HEG1: variants seen among roughly 807,000 people sequenced by gnomAD.
HEG1 encodes the protein heart development protein with EGF like domains 1, also known as protein HEG homolog 1.
HEG1 carries 56 observed loss-of-function variants against 125.6 expected under a neutral mutation model. The observed-to-expected ratio is 0.45, with a 90% CI of 0.36 to 0.56. The LOEUF (loss-of-function observed/expected upper bound fraction) is 0.56, where lower values mean the gene tolerates loss of function less well. Ranked by LOEUF, HEG1 falls within the 20% of genes least tolerant of loss-of-function variation. The probability of loss-of-function intolerance (pLI) is 0.00; values close to 1 mark genes in which losing one functional copy is unlikely to be tolerated. For synonymous variants in HEG1, 644 were observed against 668.5 expected (o/e 0.96, Z 0.57); for missense variants, 1,523 against 1,670.0 (o/e 0.91, Z 1.53).
Position 125,027,248 on chromosome 3 carries a change from G to A in HEG1, c.870C>T (p.Phe290=), listed in dbSNP as rs1364571484. Residue 290 remains phenylalanine, a synonymous_variant, in exon 3 of 17, where the codon TTC becomes TTT. Coordinates refer to ENST00000311127, the MANE Select transcript of HEG1 (RefSeq NM_020733.2). ...GAGGAGAGGAAGCTGCTGTCCTGTAGAAATGCAGCCAGGAGAGATCTGGTC... is the reference window on the plus strand; with the variant it reads ...GAGGAGAGGAAGCTGCTGTCCTGTAAAAATGCAGCCAGGAGAGATCTGGTC... ...SSGPDLSWLH[F]YRTAASSPLL... is the part of the protein sequence containing the mutation. 2.5e-6 allele frequency: 4 copies of A among 1,612,352 alleles called. No homozygotes were observed. In the South Asian group the frequency reaches 4.4e-5, roughly 18 times the overall value.
intron 1 of HEG1, among the ~76,000 whole-genome samples, chr3:125,035,386 A>G (rs150422949): frequency 9.1e-4 from 139 of 152,354 alleles, no homozygotes; most frequent in Non-Finnish European, 1.5e-4. Flanking sequence ...CAAAAACCAC[A>G]GACTAAGAGT....
intron 5 of HEG1, chr3:125,014,926 C>T (rs990790099): frequency 9.3e-6 from 12 of 1,289,516 alleles, no homozygotes; most frequent in African/African-American, 1.5e-5. Context: ...GTGTGGGTGC[C>T]GAGAGAGGGC....
chr3:125,048,613 G>A (rs547578498), intron 1 of HEG1, among the ~76,000 whole-genome samples: 2 of 152,248 alleles, frequency 1.3e-5, no homozygotes, highest in South Asian at 2.1e-4. Flanking sequence ...GAGGTGGCCA[G>A]TCAGATCCTG....
In HEG1 at chr3:125,029,406, A is replaced by G; in HGVS notation, c.399T>C (p.Phe133=). 1 of 1,610,714 alleles carries G rather than the reference A, an allele frequency of 6.2e-7. No individual in the cohort carries two copies. Among genetic ancestry groups the G allele is most frequent in the South Asian group, 1.1e-5 (1 of 91,072 alleles). ...CGCCCTCTTTGGAGGACACTGTTGA[A>G]AAGTCCTCTTGATTCTGATAGAAGG... ...NITFYQNQED[F]STVSSKEGVM... The change falls in exon 2 of 17, where the codon TTT becomes TTC. Residue 133 remains phenylalanine, a synonymous_variant. Coordinates refer to ENST00000311127, the MANE Select transcript of HEG1 (RefSeq NM_020733.2).
At position 124,970,518 on chromosome 3, in the gene HEG1, C is replaced by T; in HGVS notation, c.*134G>A. ...TCTCCTCCACTGTGGTCACGCCCCG[C>T]ATGCCTGTCCCTCTTCCTGCTTGCC... is the stretch of plus-strand genomic sequence containing the variant. On this transcript the variant is annotated 3_prime_UTR_variant, in exon 17 of 17. Coordinates refer to ENST00000311127, the MANE Select transcript of HEG1 (RefSeq NM_020733.2). 1.4e-6 allele frequency: 1 copy of T among 716,468 alleles called. No homozygotes were observed. The highest frequency in any genetic ancestry group is 2.3e-6 in the Non-Finnish European group (1 of 435,244). 44.4% of individuals were successfully genotyped at this position (716,468 alleles called of 1,614,324 possible).
In HEG1 at chr3:125,001,725, A is replaced by T. The variant is rs548979423; in HGVS notation, c.3517+127T>A. ...CATGTGCACAAAGGTCTTTGACTTA[A>T]CACCCATGCCAAAAATAGGCTCTGT... On this transcript the variant is annotated intron_variant, in intron 11 of 16. Coordinates refer to ENST00000311127, the MANE Select transcript of HEG1 (RefSeq NM_020733.2). 6.1e-6 allele frequency: 6 copies of T among 976,002 alleles called. No homozygotes were observed. In the South Asian group the frequency reaches 1.0e-4, roughly 16 times the overall value. 60.5% of individuals were successfully genotyped at this position (976,002 alleles called of 1,614,324 possible). A position where few individuals can be genotyped will look rare whatever the true frequency, so the allele number is the denominator to read the frequency against.
intron 16 of HEG1, chr3:124,971,098 G>A (rs1456698500): frequency 3.8e-6 from 2 of 522,714 alleles, no homozygotes; most frequent in East Asian, 5.1e-5. Flanking sequence ...CCCAAACCAG[G>A]AGGCCAACAG....
At chr3:125,045,895 T>G (rs1937655213) in intron 1 of HEG1, among the ~76,000 whole-genome samples, 1 of 152,220 alleles carries the variant, frequency 6.6e-6, no homozygotes, top group South Asian at 2.1e-4. Context: ...AGAAGTTAAA[T>G]GACTTGCCCA....
At chr3:125,014,646 G>A (rs1317126095) in intron 5 of HEG1, 9 of 1,174,936 alleles carry the variant, frequency 7.7e-6, no homozygotes, top group Non-Finnish European at 8.7e-6. Flanking sequence ...AATCATCCCA[G>A]GACGGTGAGT....
chr3:125,006,576 C>T (rs1937074024), intron 8 of HEG1, among the ~76,000 whole-genome samples: 3 of 152,208 alleles, frequency 2.0e-5, no homozygotes, highest in African/African-American at 4.8e-5. Flanking sequence ...AGCGCTTAAT[C>T]CTTACTTAAC....
At position 125,029,445 on chromosome 3, in the gene HEG1, A is replaced by C; in HGVS notation, c.360T>G (p.His120Gln). 6.2e-7 allele frequency: 1 copy of C among 1,602,844 alleles called. No individual in the cohort carries two copies. Reference protein sequence around the residue: ...KHWPESNTEAHVENITFYQNQ... With the variant: ...KHWPESNTEAQVENITFYQNQ... ...TCTGATAGAAGGTGATGTTTTCTAC[A>C]TGGGCCTCAGTGTTACTTTCTGGCC... is the stretch of plus-strand genomic sequence containing the variant. The change falls in exon 2 of 17, where the codon CAT (histidine) becomes CAG (glutamine). Residue 120 changes from histidine to glutamine, a missense_variant. By Grantham distance (24) the His-to-Gln change is conservative. Transcript: ENST00000311127.
intron 1 of HEG1, among the ~76,000 whole-genome samples, chr3:125,054,559 C>T (rs1264029066): frequency 6.6e-6 from 1 of 152,200 alleles, no homozygotes; most frequent in Non-Finnish European, 1.5e-5. Flanking sequence ...ACTCAACTTT[C>T]AGGGAAACTC....
At chr3:125,043,898 G>A (rs942508914) in intron 1 of HEG1, among the ~76,000 whole-genome samples, 1 of 152,148 alleles carries the variant, frequency 6.6e-6, no homozygotes, top group Non-Finnish European at 1.5e-5. Context: ...TGCAGGAGGG[G>A]CGGGAGGAAA....
intron 16 of HEG1, 23 bp downstream of exon 16, chr3:124,973,708 C>A: frequency 6.3e-7 from 1 of 1,587,712 alleles, no homozygotes; most frequent in South Asian, 1.2e-5. Flanking sequence ...GCCCTGGGGT[C>A]ATCCTGACAC....
chr3:124,997,567 A>G (rs1284062512), intron 12 of HEG1, 122 bp downstream of exon 12: 4 of 877,614 alleles, frequency 4.6e-6, no homozygotes, highest in Middle Eastern at 3.2e-4. Flanking sequence ...AACAAGAACC[A>G]GTTACCCTCA....
intron 4 of HEG1, among the ~76,000 whole-genome samples, chr3:125,020,547 A>T (rs1169098278): frequency 1.3e-5 from 2 of 152,206 alleles, no homozygotes; most frequent in African/African-American, 4.8e-5. Flanking sequence ...AGTGAGCTAA[A>T]TGGCCAGGCA....
chr3:125,006,152 C>T (rs1316155940), intron 8 of HEG1, among the ~76,000 whole-genome samples: 1 of 152,112 alleles, frequency 6.6e-6, no homozygotes, highest in Non-Finnish European at 1.5e-5. Flanking sequence ...AAGCATGTGT[C>T]GTGGGGCTAT....
chr3:125,041,003 T>TGA (rs1937589864), intron 1 of HEG1, among the ~76,000 whole-genome samples: 1 of 152,302 alleles, frequency 6.6e-6, no homozygotes, highest in African/African-American at 2.4e-5. Context: ...AAGTGGAGAC[T>TGA]GAGGCTCAGT....
chr3:124,980,567 AGTGCAATGGTGTG>A (rs1936630415), intron 14 of HEG1, among the ~76,000 whole-genome samples: 3 of 151,892 alleles, frequency 2.0e-5, no homozygotes, highest in Non-Finnish European at 4.4e-5. Context: ...CCCAGGCTGG[AGTGCAATGGTGTG>A]ATCTCGGCTC....
Sources: allele counts gnomAD v4.1 joint callset (sites outside exome capture counted in the v4.1 genomes callset), GRCh38; gene constraint gnomAD v4.1.1; transcripts MANE v1.5; gene names NCBI Gene and HGNC (gene_info 2026-07-23, HGNC 2026-07-21).